CNTN5: variants seen among roughly 807,000 people sequenced by gnomAD.
The protein encoded by CNTN5 is contactin-5.
In CNTN5, 77 loss-of-function variants were observed where a neutral mutation model predicts 129.1. The ratio of observed to expected loss-of-function variants is 0.60; its 90% CI spans 0.50 to 0.72. The LOEUF is 0.72. CNTN5 is among the 30% of genes least tolerant of loss of function. The probability of loss-of-function intolerance (pLI) is 0.00; values close to 1 mark genes in which losing one functional copy is unlikely to be tolerated. For synonymous variants in CNTN5, 509 were observed against 465.6 expected, an observed-to-expected ratio of 1.09 and a Z score of -1.20; for missense variants, 1,478 against 1,328.8, an observed-to-expected ratio of 1.11 and a Z score of -1.75.
chr11:99,918,315 T>C lies in CNTN5; in HGVS notation c.673+2166T>C, dbSNP rs918916807. ...ACATATGAATCTATTCAGTTTAATA[T>C]TACTGTTAAACAATCCCAAAAACCA... On this transcript the variant is annotated intron_variant, in intron 7 of 24. Coordinates refer to ENST00000524871, the MANE Select transcript of CNTN5 (RefSeq NM_014361.4). 2.8e-4 allele frequency among the ~76,000 whole-genome samples: 43 copies of C among 152,138 alleles called. 3 individuals carry two copies. The highest frequency in any genetic ancestry group is 1.5e-5 in the Non-Finnish European group (1 of 68,022).
intron 2 of CNTN5, among the ~76,000 whole-genome samples, chr11:99,517,385 A>G (rs1240882804): frequency 6.6e-6 from 1 of 152,112 alleles, no homozygotes; most frequent in Non-Finnish European, 1.5e-5. Context: ...AAAACTAATC[A>G]CATGACTCCT....
At chr11:100,206,737 C>T (rs1458827202) in intron 15 of CNTN5, among the ~76,000 whole-genome samples, 1 of 151,994 alleles carries the variant, frequency 6.6e-6, no homozygotes, top group Non-Finnish European at 1.5e-5. Context: ...GGACTAATAT[C>T]AGAACTTCTG....
Position 99,753,119 on chromosome 11 carries a change from C to CTTTTTTTTTTTTTT in CNTN5, c.56-66417_56-66404dup, listed in dbSNP as rs375324214. On this transcript the variant is annotated intron_variant, in intron 3 of 24. Coordinates refer to ENST00000524871, the MANE Select transcript of CNTN5 (RefSeq NM_014361.4). ...TTTATAACATTTTAAGCCATATTTG[C>CTTTTTTTTTTTTTT]TTTTTTTTTTTTTTTTTTTTTGAGA... Among the ~76,000 whole-genome samples, 45 of 93,076 alleles carry CTTTTTTTTTTTTTT rather than the reference C, an allele frequency of 4.8e-4. 2 individuals carry two copies. The highest frequency in any genetic ancestry group is 2.2e-3 in the East Asian group (6 of 2,694). 61.1% of individuals were successfully genotyped at this position (93,076 alleles called of 152,430 possible). A position where few individuals can be genotyped will look rare whatever the true frequency, so the allele number is the denominator to read the frequency against.
At chr11:99,775,047 A>G (rs1014847687) in intron 3 of CNTN5, among the ~76,000 whole-genome samples, 2 of 152,042 alleles carry the variant, frequency 1.3e-5, no homozygotes, top group African/African-American at 4.8e-5. Flanking sequence ...TCAGAAGAGT[A>G]TTGTGGCCAA....
chr11:100,334,295 G>C (rs931993483), intron 21 of CNTN5, among the ~76,000 whole-genome samples: 5 of 152,174 alleles, frequency 3.3e-5, no homozygotes, highest in Non-Finnish European at 7.4e-5. Flanking sequence ...TGTTGGCGTG[G>C]ATGTGGTGAA....
intron 1 of CNTN5, among the ~76,000 whole-genome samples, chr11:99,042,013 A>G (rs1424490314): frequency 2.0e-5 from 3 of 152,030 alleles, no homozygotes; most frequent in Non-Finnish European, 4.4e-5. Context: ...CTTATATTTC[A>G]TGTCGAGAAT....
intron 6 of CNTN5, 35 bp from the exon 7 acceptor site, chr11:99,916,019 C>G: frequency 6.7e-7 from 1 of 1,497,594 alleles, no homozygotes; most frequent in East Asian, 2.3e-5. Flanking sequence ...ACATTCTTTT[C>G]TGCCTTGGAT....
chr11:99,963,572 A>C (rs1951010618), intron 8 of CNTN5, among the ~76,000 whole-genome samples: 1 of 152,142 alleles, frequency 6.6e-6, no homozygotes, highest in Admixed American at 6.5e-5. Context: ...CTTGTGGTAT[A>C]GTTTGAGGTC....
intron 1 of CNTN5, among the ~76,000 whole-genome samples, chr11:99,224,080 C>T (rs1026888507): frequency 4.6e-5 from 7 of 152,126 alleles, no homozygotes; most frequent in African/African-American, 1.4e-4. Flanking sequence ...GCACCCATCA[C>T]AATTGGAACA....
chr11:99,086,436 G>C (rs912143821), intron 1 of CNTN5, among the ~76,000 whole-genome samples: 1 of 152,200 alleles, frequency 6.6e-6, no homozygotes, highest in African/African-American at 2.4e-5. Context: ...TGAGGTCTCA[G>C]GAAGCTTTTA....
At chr11:99,608,719 G>C (rs1271802818) in intron 3 of CNTN5, among the ~76,000 whole-genome samples, 2 of 152,034 alleles carry the variant, frequency 1.3e-5, no homozygotes, top group Non-Finnish European at 2.9e-5. Context: ...CTCTATTTGT[G>C]GTCCTTCATT....
chr11:99,886,433 A>G (rs1451791624), intron 6 of CNTN5, among the ~76,000 whole-genome samples: 1 of 152,164 alleles, frequency 6.6e-6, no homozygotes, highest in Non-Finnish European at 1.5e-5. Context: ...AAACATAAAT[A>G]TGCTCAAACC....
At chr11:99,638,758 A>T (rs1951659188) in intron 3 of CNTN5, among the ~76,000 whole-genome samples, 1 of 152,162 alleles carries the variant, frequency 6.6e-6, no homozygotes, top group African/African-American at 2.4e-5. Flanking sequence ...GATGTAAGAG[A>T]TGGGTTCCCA....
At chr11:99,637,676 A>T (rs1384367179) in intron 3 of CNTN5, among the ~76,000 whole-genome samples, 2 of 152,190 alleles carry the variant, frequency 1.3e-5, no homozygotes, top group East Asian at 1.9e-4. Flanking sequence ...CATAATGTCA[A>T]AAATAGAAAA....
chr11:100,169,306 A>G (rs540681797), intron 13 of CNTN5, among the ~76,000 whole-genome samples: 7 of 152,016 alleles, frequency 4.6e-5, no homozygotes, highest in Non-Finnish European at 8.8e-5. Flanking sequence ...CTTTCATGAA[A>G]GGAAGAGTCC....
chr11:99,354,804 A>G (rs1018658761), intron 2 of CNTN5, among the ~76,000 whole-genome samples: 5 of 152,190 alleles, frequency 3.3e-5, no homozygotes, highest in Non-Finnish European at 7.3e-5. Context: ...AAATCTGAGT[A>G]TAACAGTTCC....
chr11:99,304,512 T>G (rs1296718044), intron 1 of CNTN5, among the ~76,000 whole-genome samples: 2 of 152,200 alleles, frequency 1.3e-5, no homozygotes, highest in Non-Finnish European at 2.9e-5. Context: ...CTCCCTCCTC[T>G]GTATTCTGGA....
At chr11:99,842,354 A>G (rs901010776) in intron 4 of CNTN5, among the ~76,000 whole-genome samples, 1 of 152,238 alleles carries the variant, frequency 6.6e-6, no homozygotes, top group African/African-American at 2.4e-5. Flanking sequence ...TACTACAAGT[A>G]AATATTAGTT....
At chr11:99,484,705 A>G (rs1945740664) in intron 2 of CNTN5, among the ~76,000 whole-genome samples, 3 of 152,106 alleles carry the variant, frequency 2.0e-5, no homozygotes, top group Admixed American at 2.0e-4. Flanking sequence ...CTAGTCAGCT[A>G]CAAAAAAAAA....
Sources: allele counts gnomAD v4.1 joint callset (sites outside exome capture counted in the v4.1 genomes callset), GRCh38; gene constraint gnomAD v4.1.1; transcripts MANE v1.5; gene names NCBI Gene and HGNC (gene_info 2026-07-23, HGNC 2026-07-21).